The following SCAMP2 variants were observed in gnomAD, a reference collection of about 807,000 sequenced individuals.
SCAMP2 encodes the protein secretory carrier membrane protein 2, also known as secretory carrier-associated membrane protein 2.
In SCAMP2, 25 loss-of-function variants were observed where a neutral mutation model predicts 44.1. The observed-to-expected ratio is 0.57, with a 90% CI of 0.41 to 0.79. The LOEUF (loss-of-function observed/expected upper bound fraction) is 0.79, where lower values mean the gene tolerates loss of function less well. Ranked by LOEUF, SCAMP2 falls within the 30% of genes least tolerant of loss-of-function variation. The probability of loss-of-function intolerance (pLI) is 0.00; values close to 1 mark genes in which losing one functional copy is unlikely to be tolerated. For synonymous variants in SCAMP2, 156 were observed against 166.0 expected, an observed-to-expected ratio of 0.94 and a Z score of 0.46; for missense variants, 355 against 411.0, an observed-to-expected ratio of 0.86 and a Z score of 1.18.
intron 7 of SCAMP2, among the ~76,000 whole-genome samples, chr15:74,846,449 A>G (rs2064399832): frequency 1.1e-5 from 1 of 90,360 alleles, no homozygotes; most frequent in South Asian, 4.1e-4. Flanking sequence ...CTGTCTCCAA[A>G]AAAAAAAAAA....
rs781609040 is a variant in SCAMP2 at position 74,873,305 on chromosome 15, C to A, written c.-50G>T. Reference sequence around the variant, plus strand: ...CTCCGCGAACGCTGCTGCCTCCGGGCACCCAGACCCAGCGGCGCTTCGTGT... The same window carrying A: ...CTCCGCGAACGCTGCTGCCTCCGGGAACCCAGACCCAGCGGCGCTTCGTGT... On this transcript the variant is annotated 5_prime_UTR_variant, in exon 1 of 9. Coordinates refer to ENST00000268099, the MANE Select transcript of SCAMP2 (RefSeq NM_005697.5). The A allele has an allele frequency of 4.1e-5, 60 of 1,456,650 alleles. No individual in the cohort carries two copies. The highest frequency in any genetic ancestry group is 3.6e-4 in the Middle Eastern group (2 of 5,606). 90.2% of individuals were successfully genotyped at this position (1,456,650 alleles called of 1,614,324 possible). A position where few individuals can be genotyped will look rare whatever the true frequency, so the allele number is the denominator to read the frequency against.
rs1567250048 is a variant in SCAMP2, at chr15:74,851,444, G to C, written c.381C>G (p.Cys127Trp). 1 of 1,613,894 alleles carries C rather than the reference G, an allele frequency of 6.2e-7. No individual in the cohort carries two copies. The highest frequency in any genetic ancestry group is 8.5e-7 in the Non-Finnish European group (1 of 1,179,908). Residue 127 changes from cysteine to tryptophan, a missense_variant, in exon 5 of 9, where the codon TGC (cysteine) becomes TGG (tryptophan). Coordinates refer to ENST00000268099, the MANE Select transcript of SCAMP2 (RefSeq NM_005697.5). ...CCTGATAGAAGCAGGGCTTCACAGG[G>C]CACCACGAGGGCAGAGGGGGCCAGT... ...QNNWPPLPSWCPVKPCFYQDF... is the reference protein window; with the variant it reads ...QNNWPPLPSWWPVKPCFYQDF...
In SCAMP2 at chr15:74,873,208, G is replaced by A; in HGVS notation, c.48C>T (p.Asn16=). 1 of 1,455,264 alleles carries A rather than the reference G, an allele frequency of 6.9e-7. No homozygotes were observed. 90.1% of individuals were successfully genotyped at this position (1,455,264 alleles called of 1,614,324 possible). Residue 16 remains asparagine (N), a synonymous_variant, in exon 1 of 9, where the codon AAC becomes AAT. Coordinates refer to ENST00000268099, the MANE Select transcript of SCAMP2 (RefSeq NM_005697.5). The part of the protein sequence containing the change: ...TNPFADPVDV[N]PFQDPSVTQL... ...GGGAGAGGGGCTCTACCTGGAAGGG[G>A]TTTACATCCACTGGGTCCGCGAAGG...
rs966488605 is a variant in SCAMP2, at chr15:74,844,922, C to T, written c.*161G>A. 5 of 750,788 alleles carry T rather than the reference C, an allele frequency of 6.7e-6. No individual in the cohort carries two copies. Among genetic ancestry groups the T allele is most frequent in the Non-Finnish European group, 1.1e-5 (5 of 467,446 alleles). The allele number at this position is 750,788 out of a possible 1,614,324, so 46.5% of individuals were successfully genotyped here. On this transcript the variant is annotated 3_prime_UTR_variant, in exon 9 of 9. Coordinates refer to ENST00000268099, the MANE Select transcript of SCAMP2 (RefSeq NM_005697.5). ...AGGGGGAAAAAATTCCCTGTCCCTC[C>T]CGTTCCAGGGAGAGCTGGTCGCTGA...
intron 3 of SCAMP2, 36 bp from the exon 4 acceptor site, chr15:74,852,222 C>T: frequency 7.1e-7 from 1 of 1,399,862 alleles, no homozygotes; most frequent in Middle Eastern, 1.9e-4. Context: ...GACAGCCAGA[C>T]ACAACAAACA....
Position 74,871,568 on chromosome 15 carries a change from C to T in SCAMP2, c.57+1631G>A, listed in dbSNP as rs1313690546. ...GGGAGTTCGAGACCAGCCTGACCAA[C>T]GTGGAGAAACCCCGTCTCTACTAAA... On this transcript the variant is annotated intron_variant, in intron 1 of 8. Coordinates refer to ENST00000268099, the MANE Select transcript of SCAMP2 (RefSeq NM_005697.5). 5.3e-5 allele frequency among the ~76,000 whole-genome samples: 8 copies of T among 151,706 alleles called. No homozygotes were observed. In the South Asian group the frequency reaches 1.7e-3, roughly 32 times the overall value.
At chr15:74,853,729 T>C in intron 3 of SCAMP2, 1 of 497,010 alleles carries the variant, frequency 2.0e-6, no homozygotes. Flanking sequence ...GAGGAGGACC[T>C]GGAGGGGTAC....
chr15:74,872,507 G>A lies in SCAMP2; in HGVS notation c.57+692C>T, dbSNP rs139591283. 2.3e-4 allele frequency among the ~76,000 whole-genome samples: 35 copies of A among 152,044 alleles called. No homozygotes were observed. In the South Asian group the frequency reaches 6.5e-3, roughly 28 times the overall value. Reference sequence around the variant, plus strand: ...TTCCATCAGACAAACGTTCCCTGTGGGTCCAGAATTTTTCACAGTCCCCCG... The same window carrying A: ...TTCCATCAGACAAACGTTCCCTGTGAGTCCAGAATTTTTCACAGTCCCCCG... On this transcript the variant is annotated intron_variant, in intron 1 of 8. Transcript: ENST00000268099.
At chr15:74,862,669 A>G (rs1471982660) in intron 1 of SCAMP2, among the ~76,000 whole-genome samples, 1 of 151,904 alleles carries the variant, frequency 6.6e-6, no homozygotes, top group African/African-American at 2.4e-5. Context: ...TAATATGGTC[A>G]TGTTATTTTG....
intron 1 of SCAMP2, among the ~76,000 whole-genome samples, chr15:74,866,580 T>C (rs1290668945): frequency 3.3e-5 from 5 of 152,016 alleles, no homozygotes; most frequent in African/African-American, 1.2e-4. Context: ...GGCATGCTAG[T>C]GCACGCCTGT....
rs71140104 is a variant in SCAMP2 at position 74,865,380 on chromosome 15, C to CAA, written c.57+7817_57+7818dup. 2.5e-3 allele frequency among the ~76,000 whole-genome samples: 268 copies of CAA among 108,638 alleles called. 1 individual carries two copies. Among genetic ancestry groups the CAA allele is most frequent in the South Asian group, 0.013 (32 of 2,540 alleles). 71.3% of individuals were successfully genotyped at this position (108,638 alleles called of 152,430 possible). On this transcript the variant is annotated intron_variant, in intron 1 of 8. Coordinates refer to ENST00000268099, the MANE Select transcript of SCAMP2 (RefSeq NM_005697.5). Reference sequence around the variant, plus strand: ...TGGGCAACAGAGCAAGACTTTGTCTCAAAAAAAAAAAAAAGAAAAGAAAAG... The same window carrying CAA: ...TGGGCAACAGAGCAAGACTTTGTCTCAAAAAAAAAAAAAAAAGAAAAGAAAAG...
chr15:74,870,786 A>T (rs1019393920), intron 1 of SCAMP2, among the ~76,000 whole-genome samples: 7 of 152,208 alleles, frequency 4.6e-5, no homozygotes, highest in Admixed American at 1.3e-4. Flanking sequence ...CACTCTCCTG[A>T]CAGCGTATAA....
In SCAMP2 at chr15:74,851,475, T is replaced by G. The variant is rs1245709584; in HGVS notation, c.350A>C (p.Gln117Pro). The G allele has an allele frequency of 6.2e-7, 1 of 1,613,886 alleles. No homozygotes were observed. Among genetic ancestry groups the G allele is most frequent in the Middle Eastern group, 1.7e-4 (1 of 6,048 alleles). ...QNTVANLHVR[Q>P]NNWPPLPSWC... ...CGAGGGCAGAGGGGGCCAGTTGTTC[T>G]GTCTCACTGGGTAGGGCAAAAAGAG... The change falls in exon 5 of 9, where the codon CAG (glutamine) becomes CCG (proline). Residue 117 changes from glutamine (Q) to proline (P), a missense_variant. Gln to Pro is a moderately conservative substitution (Grantham distance 76). Coordinates refer to ENST00000268099, the MANE Select transcript of SCAMP2 (RefSeq NM_005697.5).
chr15:74,857,820 G>A (rs1443627140), intron 1 of SCAMP2, among the ~76,000 whole-genome samples: 1 of 152,192 alleles, frequency 6.6e-6, no homozygotes. Flanking sequence ...GCAGCCATGT[G>A]CATCTGTGTC....
At position 74,844,004 on chromosome 15, in the gene SCAMP2, A is replaced by AC. The variant is rs890378087; in HGVS notation, c.*1078dup. ...CCTACGTGTCCCATCACAGTGACAC[A>AC]CCCCCCAGGGTGTGAACCAGACTCC... On this transcript the variant is annotated 3_prime_UTR_variant, in exon 9 of 9. Transcript: ENST00000268099. The AC allele has an allele frequency of 2.0e-5, 3 of 151,924 alleles. No individual in the cohort carries two copies. Among genetic ancestry groups the AC allele is most frequent in the African/African-American group, 4.8e-5 (2 of 41,342 alleles). 9.4% of individuals were successfully genotyped at this position (151,924 alleles called of 1,614,324 possible).
rs541947492 is a variant in SCAMP2 at position 74,850,899 on chromosome 15, G to A, written c.473-226C>T. ...CCTGAGAGGTGATGGGACAGCCCGG[G>A]TATCTGAGGGGTGTGGAGGGAGGAT... On this transcript the variant is annotated intron_variant, in intron 5 of 8. Transcript: ENST00000268099. Among the ~76,000 whole-genome samples the A allele has an allele frequency of 4.6e-5, 7 of 152,328 alleles. No individual in the cohort carries two copies. The East Asian group carries it at 1.4e-3, about 29-fold the overall frequency.
At chr15:74,872,980 T>C (rs1181687195) in intron 1 of SCAMP2, 5 of 478,416 alleles carry the variant, frequency 1.0e-5, no homozygotes, top group Admixed American at 8.8e-5. Context: ...AAGACCCCAC[T>C]GTCTCCAACA....
chr15:74,847,809 G>C (rs1287620440), intron 7 of SCAMP2, among the ~76,000 whole-genome samples: 1 of 152,214 alleles, frequency 6.6e-6, no homozygotes, highest in African/African-American at 2.4e-5. Context: ...ACTCAAACCA[G>C]CCGTATGCTC....
At chr15:74,864,322 A>C (rs1216818010) in intron 1 of SCAMP2, among the ~76,000 whole-genome samples, 2 of 152,116 alleles carry the variant, frequency 1.3e-5, no homozygotes, top group Non-Finnish European at 2.9e-5. Context: ...TGGCCTCCCA[A>C]AGTGCTGGGA....
Sources: gnomAD v4.1 joint callset for allele counts (sites outside exome capture counted in the v4.1 genomes callset) on GRCh38, gnomAD v4.1.1 for gene constraint, MANE v1.5 for transcripts, NCBI Gene and HGNC (gene_info 2026-07-23, HGNC 2026-07-21) for gene names.